The following RRP15 variants were observed in gnomAD, a reference collection of about 807,000 sequenced individuals.
RRP15 encodes RRP15-like protein.
Under a neutral mutation model 27.1 loss-of-function variants are expected in RRP15, and 18 were observed. The observed-to-expected ratio is 0.66, with a 90% CI of 0.46 to 0.98. The LOEUF (loss-of-function observed/expected upper bound fraction) is 0.98, where lower values mean the gene tolerates loss of function less well. Among genes scored for constraint, RRP15 ranks in the 50% least tolerant of loss-of-function variants. The pLI is 0.00. For missense variants in RRP15, 359 were observed against 337.8 expected, an observed-to-expected ratio of 1.06 and a Z score of -0.49; for synonymous variants, 107 against 109.4, an observed-to-expected ratio of 0.98 and a Z score of 0.14.
intron 4 of RRP15, among the ~76,000 whole-genome samples, chr1:218,308,515 G>A (rs1655938801): frequency 6.6e-6 from 1 of 152,070 alleles, no homozygotes; most frequent in South Asian, 2.1e-4. Flanking sequence ...CAAAACCAAA[G>A]GTACTTTTAA....
chr1:218,324,741 A>T (rs74143047), intron 4 of RRP15, among the ~76,000 whole-genome samples: 7,774 of 152,286 alleles, frequency 0.051, 677 homozygotes, highest in African/African-American at 0.17. Context: ...AGTTGTCAGT[A>T]TTCAGCATTT....
In RRP15 at chr1:218,334,692, C is replaced by G. The variant is rs1442796834; in HGVS notation, c.*3601C>G. 6.6e-6 allele frequency: 1 copy of G among 152,210 alleles called. No individual in the cohort carries two copies. The highest frequency in any genetic ancestry group is 1.9e-4 in the East Asian group (1 of 5,196). 9.4% of individuals were successfully genotyped at this position (152,210 alleles called of 1,614,324 possible). A position where few individuals can be genotyped will look rare whatever the true frequency, so the allele number is the denominator to read the frequency against. On this transcript the variant is annotated 3_prime_UTR_variant, in exon 5 of 5. Coordinates refer to ENST00000366932, the MANE Select transcript of RRP15 (RefSeq NM_016052.4). ...GGATCAATGTGATTGACATTTATCT[C>G]CACTCTGCATGTCACTGATATGGTA...
chr1:218,312,586 C>A (rs1283095418), intron 4 of RRP15, among the ~76,000 whole-genome samples: 1 of 151,764 alleles, frequency 6.6e-6, no homozygotes, highest in Admixed American at 6.6e-5. Flanking sequence ...ATCAGATCAC[C>A]ACATATTTCA....
At chr1:218,298,602 A>T (rs531838865) in intron 1 of RRP15, among the ~76,000 whole-genome samples, 3 of 152,112 alleles carry the variant, frequency 2.0e-5, no homozygotes, top group Non-Finnish European at 4.4e-5. Flanking sequence ...TTTGAAAGGG[A>T]GCTGGAGGTT....
chr1:218,293,258 G>C (rs1026884567), intron 1 of RRP15, among the ~76,000 whole-genome samples: 4 of 151,888 alleles, frequency 2.6e-5, no homozygotes, highest in African/African-American at 9.7e-5. Context: ...ATTCTTCTTT[G>C]GCTTAACTCA....
chr1:218,328,823 G>A (rs1275563967), intron 4 of RRP15, among the ~76,000 whole-genome samples: 1 of 152,078 alleles, frequency 6.6e-6, no homozygotes, highest in Non-Finnish European at 1.5e-5. Context: ...ACTCTGTGTT[G>A]AGTCAGTCAC....
chr1:218,314,851 G>T (rs537571258), intron 4 of RRP15, among the ~76,000 whole-genome samples: 1 of 151,770 alleles, frequency 6.6e-6, no homozygotes, highest in Non-Finnish European at 1.5e-5. Context: ...AATTAGCCAG[G>T]CGTGGTGGTA....
rs748239304 is a variant in RRP15 at position 218,305,026 on chromosome 1, A to G, written c.406-2A>G. 6.2e-7 allele frequency: 1 copy of G among 1,611,042 alleles called. No individual in the cohort carries two copies. The highest frequency in any genetic ancestry group is 1.3e-5 in the African/African-American group (1 of 74,974). On this transcript the variant is annotated splice_acceptor_variant, in intron 2 of 4. Transcript: ENST00000366932. LOFTEE classifies it high-confidence loss of function. ...TTTCACATAACAATATTTATAACGC[A>G]GCGTGATAAGAGGCTGGAGTGGGAA...
At chr1:218,322,078 A>G (rs552252423) in intron 4 of RRP15, among the ~76,000 whole-genome samples, 1 of 152,318 alleles carries the variant, frequency 6.6e-6, no homozygotes, top group South Asian at 2.1e-4. Flanking sequence ...GTTATATAAG[A>G]ACACAGTATA....
chr1:218,315,745 C>T (rs1028230732), intron 4 of RRP15, among the ~76,000 whole-genome samples: 6 of 151,968 alleles, frequency 3.9e-5, no homozygotes, highest in African/African-American at 1.2e-4. Flanking sequence ...CTTGAGCCAC[C>T]GTGCCTGGCC....
rs1460832453 is a variant in RRP15 at position 218,299,554 on chromosome 1, T to C, written c.140-2740T>C. Among the ~76,000 whole-genome samples, 3 of 152,182 alleles carry C rather than the reference T, an allele frequency of 2.0e-5. No homozygotes were observed. In the East Asian group the frequency reaches 5.8e-4, roughly 29 times the overall value. ...TTGAAAAACATGAAATCTGTGGCAA[T>C]TTGTGTGTGAATACATCAGGACAAA... On this transcript the variant is annotated intron_variant, in intron 1 of 4. Coordinates refer to ENST00000366932, the MANE Select transcript of RRP15 (RefSeq NM_016052.4).
At chr1:218,309,228 C>A (rs1361152994) in intron 4 of RRP15, among the ~76,000 whole-genome samples, 1 of 152,142 alleles carries the variant, frequency 6.6e-6, no homozygotes, top group Admixed American at 6.6e-5. Flanking sequence ...TGCCCCATGC[C>A]ATCAATACCC....
chr1:218,288,475 A>G (rs1484951719), intron 1 of RRP15, among the ~76,000 whole-genome samples: 2 of 152,190 alleles, frequency 1.3e-5, no homozygotes, highest in African/African-American at 4.8e-5. Context: ...GAATTCTGAC[A>G]ACTCTATGAG....
At position 218,335,131 on chromosome 1, in the gene RRP15, G is replaced by C. The variant is rs1656429765; in HGVS notation, c.*4040G>C. ...TTCTAACAGTTCTTAAATAATTTTA[G>C]ATTCTCTAAATTTAGAGTGTTTTCT... On this transcript the variant is annotated 3_prime_UTR_variant, in exon 5 of 5. Coordinates refer to ENST00000366932, the MANE Select transcript of RRP15 (RefSeq NM_016052.4). 1 of 152,108 alleles carries C rather than the reference G, an allele frequency of 6.6e-6. No homozygotes were observed. The highest frequency in any genetic ancestry group is 2.1e-4 in the South Asian group (1 of 4,830). 9.4% of individuals were successfully genotyped at this position (152,108 alleles called of 1,614,324 possible).
In RRP15 at chr1:218,285,339, C is replaced by T. The variant is rs778577495; in HGVS notation, c.23C>T (p.Ser8Leu). The change falls in exon 1 of 5, where the codon TCA becomes TTA. Residue 8 changes from serine to leucine, a missense_variant. Ser to Leu is a moderately radical substitution (Grantham distance 145). Transcript: ENST00000366932. MAAAAPD[S>L]RVSEEENLKK... The stretch of plus-strand genomic sequence containing the variant: ...AAAATGGCAGCCGCCGCTCCGGACT[C>T]ACGTGTGAGTGAGGAAGAAAACCTG... The T allele has an allele frequency of 3.0e-5, 48 of 1,613,970 alleles. No homozygotes were observed. Among genetic ancestry groups the T allele is most frequent in the Non-Finnish European group, 3.6e-5 (43 of 1,180,016 alleles).
intron 4 of RRP15, among the ~76,000 whole-genome samples, chr1:218,309,682 CAAAAAA>C (rs751452477): frequency 3.2e-3 from 71 of 22,526 alleles, no homozygotes; most frequent in Middle Eastern, 0.025. Flanking sequence ...GACTCCATCT[CAAAAAA>C]AAAAAAAAAA....
intron 4 of RRP15, among the ~76,000 whole-genome samples, chr1:218,314,715 G>A (rs546885214): frequency 2.6e-5 from 4 of 151,734 alleles, no homozygotes; most frequent in Non-Finnish European, 5.9e-5. Context: ...TTTTTTGGCG[G>A]GACATGGTGG....
rs549827233 is a variant in RRP15 at position 218,304,454 on chromosome 1, C to A, written c.406-574C>A. Among the ~76,000 whole-genome samples, 5 of 152,262 alleles carry A rather than the reference C, an allele frequency of 3.3e-5. No homozygotes were observed. The South Asian group carries it at 1.0e-3, about 32-fold the overall frequency. On this transcript the variant is annotated intron_variant, in intron 2 of 4. Transcript: ENST00000366932. ...TCTGCTTCTGTACAGTTTGCTGTAG[C>A]TTACAACTGATAAACCATATATGGC... is the stretch of plus-strand genomic sequence containing the variant.
intron 2 of RRP15, 25 bp from the exon 3 acceptor site, chr1:218,305,003 T>G: frequency 6.3e-7 from 1 of 1,579,164 alleles, no homozygotes; most frequent in Non-Finnish European, 8.7e-7. Flanking sequence ...TAATATTCTT[T>G]CACATAACAA....
Sources: allele counts gnomAD v4.1 joint callset (sites outside exome capture counted in the v4.1 genomes callset), GRCh38; gene constraint gnomAD v4.1.1; transcripts MANE v1.5; gene names NCBI Gene and HGNC (gene_info 2026-07-23, HGNC 2026-07-21).